Variants in RBBP5 observed in about 807,000 individuals in gnomAD.
RBBP5 encodes RB binding protein 5, histone lysine methyltransferase complex subunit.
RBBP5 carries 5 observed loss-of-function variants against 72.2 expected under a neutral mutation model. The observed-to-expected ratio is 0.07, with a 90% CI of 0.04 to 0.15. The LOEUF is 0.15. Ranked by LOEUF, RBBP5 falls within the 10% of genes least tolerant of loss-of-function variation. The probability of loss-of-function intolerance (pLI) is 1.00; values close to 1 mark genes in which losing one functional copy is unlikely to be tolerated. For synonymous variants in RBBP5, 209 were observed against 237.2 expected (o/e 0.88, Z 1.09); for missense variants, 322 against 652.2 (o/e 0.49, Z 5.51).
intron 13 of RBBP5, among the ~76,000 whole-genome samples, chr1:205,090,610 C>A (rs1233665622): frequency 6.6e-6 from 1 of 152,098 alleles, no homozygotes; most frequent in African/African-American, 2.4e-5. Flanking sequence ...GCAACTGCCC[C>A]CAAGGAAACA....
intron 13 of RBBP5, among the ~76,000 whole-genome samples, chr1:205,092,505 G>A (rs942874412): frequency 2.7e-4 from 41 of 151,442 alleles, no homozygotes; most frequent in African/African-American, 8.7e-4. Flanking sequence ...GGAGTGCAAC[G>A]GCGTGATCAT....
At chr1:205,117,950 C>G (rs962498436) in intron 1 of RBBP5, among the ~76,000 whole-genome samples, 6 of 152,054 alleles carry the variant, frequency 3.9e-5, no homozygotes, top group Non-Finnish European at 7.4e-5. Context: ...GCTGGGATTA[C>G]AGGCATGCAC....
intron 13 of RBBP5, chr1:205,091,631 T>C (rs1169280740): frequency 6.6e-6 from 1 of 152,258 alleles, no homozygotes; most frequent in African/African-American, 2.4e-5. Context: ...TATGGTAGTT[T>C]TGTTAGGGCT....
At chr1:205,107,946 C>A (rs1438220634) in intron 3 of RBBP5, among the ~76,000 whole-genome samples, 188 of 99,874 alleles carry the variant, frequency 1.9e-3, no homozygotes, top group Admixed American at 2.2e-3. Context: ...AAATCTGTCT[C>A]AAAAAAAAAA....
At chr1:205,104,803 A>G (rs2102297498) in intron 4 of RBBP5, among the ~76,000 whole-genome samples, 1 of 152,228 alleles carries the variant, frequency 6.6e-6, no homozygotes, top group South Asian at 2.1e-4. Context: ...GCGCCACTGC[A>G]CTCCAGCCTG....
intron 3 of RBBP5, among the ~76,000 whole-genome samples, chr1:205,106,814 A>G (rs563206451): frequency 1.3e-5 from 2 of 152,312 alleles, no homozygotes; most frequent in South Asian, 4.1e-4. Context: ...ACAATTATGA[A>G]CATGCCTGAA....
chr1:205,092,226 G>T (rs1166876788), intron 13 of RBBP5, among the ~76,000 whole-genome samples: 1 of 152,230 alleles, frequency 6.6e-6, no homozygotes. Context: ...CCACTCTGCA[G>T]CTGGTCAATA....
intron 3 of RBBP5, among the ~76,000 whole-genome samples, chr1:205,112,466 A>C (rs1038933050): frequency 6.6e-6 from 1 of 152,206 alleles, no homozygotes; most frequent in Non-Finnish European, 1.5e-5. Context: ...AGGACATATA[A>C]AGCTTTAGTA....
intron 1 of RBBP5, among the ~76,000 whole-genome samples, chr1:205,119,960 T>C (rs985911665): frequency 6.6e-6 from 1 of 152,154 alleles, no homozygotes; most frequent in African/African-American, 2.4e-5. Flanking sequence ...ATCTCTCCCA[T>C]AAATCCAAAC....
intron 12 of RBBP5, 33 bp from the exon 13 acceptor site, chr1:205,095,097 C>A: frequency 5.6e-6 from 9 of 1,604,630 alleles, no homozygotes; most frequent in East Asian, 2.2e-5. Flanking sequence ...AAGGAATCCA[C>A]ATGACACCAG....
In RBBP5 at chr1:205,107,946, C is replaced by CAA. The variant is rs772446580; in HGVS notation, c.219-2780_219-2779dup. Among the ~76,000 whole-genome samples, 449 of 99,962 alleles carry CAA rather than the reference C, an allele frequency of 4.5e-3. 2 individuals carry two copies. Among genetic ancestry groups the CAA allele is most frequent in the East Asian group, 0.024 (58 of 2,436 alleles). The allele number at this position is 99,962 out of a possible 152,430, so 65.6% of individuals were successfully genotyped here. ...GGGTAACAAGAGCAAAAATCTGTCT[C>CAA]AAAAAAAAAAAAAAAAAGGCAGGCG... On this transcript the variant is annotated intron_variant, in intron 3 of 13. Transcript: ENST00000264515.
At chr1:205,092,239 G>A (rs187122540) in intron 13 of RBBP5, among the ~76,000 whole-genome samples, 15 of 152,294 alleles carry the variant, frequency 9.8e-5, no homozygotes, top group Admixed American at 7.2e-4. Flanking sequence ...GGTCAATAAA[G>A]CCAGATGTAA....
chr1:205,093,476 A>G (rs1236200855), intron 13 of RBBP5, among the ~76,000 whole-genome samples: 1 of 6,938 alleles, frequency 1.4e-4, no homozygotes, highest in African/African-American at 3.4e-4. Context: ...AAAAAAAAAA[A>G]AAAATATATA....
Position 205,098,897 on chromosome 1 carries a change from T to C in RBBP5, c.1096+92A>G, listed in dbSNP as rs576403670. 1,173 of 818,146 alleles carry C rather than the reference T, an allele frequency of 1.4e-3. 1 individual carries two copies. The highest frequency in any genetic ancestry group is 4.8e-3 in the Middle Eastern group (15 of 3,142). 50.7% of individuals were successfully genotyped at this position (818,146 alleles called of 1,614,324 possible). A position where few individuals can be genotyped will look rare whatever the true frequency, so the allele number is the denominator to read the frequency against. ...GTGGAGGGGGGCATTTTAGATGAAG[T>C]GCTGAAATAAATTTACAACACAAAT... On this transcript the variant is annotated intron_variant, in intron 10 of 13. Transcript: ENST00000264515.
intron 12 of RBBP5, among the ~76,000 whole-genome samples, chr1:205,095,370 GTTT>G (rs5780268): frequency 1.3e-5 from 2 of 151,778 alleles, no homozygotes; most frequent in Non-Finnish European, 2.9e-5. Context: ...AACATTATGA[GTTT>G]TTTTTGCAAT....
chr1:205,103,559 G>C (rs1021910117), intron 5 of RBBP5, among the ~76,000 whole-genome samples: 1 of 152,148 alleles, frequency 6.6e-6, no homozygotes, highest in Non-Finnish European at 1.5e-5. Context: ...GAGAAATTTT[G>C]ATCAGCAGTG....
intron 1 of RBBP5, among the ~76,000 whole-genome samples, chr1:205,116,998 CTTTG>C (rs1312495603): frequency 2.0e-5 from 3 of 151,986 alleles, no homozygotes; most frequent in East Asian, 1.9e-4. Context: ...CTCTTTATTT[CTTTG>C]TTTTAGTTTT....
At chr1:205,095,538 G>A (rs1248782135) in intron 12 of RBBP5, among the ~76,000 whole-genome samples, 3 of 152,248 alleles carry the variant, frequency 2.0e-5, no homozygotes, top group African/African-American at 4.8e-5. Flanking sequence ...TGAACAAGTA[G>A]CTGAAAGATG....
intron 12 of RBBP5, among the ~76,000 whole-genome samples, chr1:205,095,276 C>T (rs971220902): frequency 1.3e-5 from 2 of 152,190 alleles, no homozygotes; most frequent in Non-Finnish European, 2.9e-5. Flanking sequence ...TTATATTAAG[C>T]TTGTCCAATC....
Sources: gnomAD v4.1 joint callset for allele counts (sites outside exome capture counted in the v4.1 genomes callset) on GRCh38, gnomAD v4.1.1 for gene constraint, MANE v1.5 for transcripts, NCBI Gene and HGNC (gene_info 2026-07-23, HGNC 2026-07-21) for gene names.